CAMK2A: variants seen among roughly 807,000 people sequenced by gnomAD.
The protein encoded by CAMK2A is calcium/calmodulin-dependent protein kinase type II subunit alpha.
A neutral mutation model predicts 79.2 loss-of-function variants in CAMK2A; 7 were observed. The ratio of observed to expected loss-of-function variants is 0.09; its 90% confidence interval spans 0.05 to 0.17. The LOEUF (loss-of-function observed/expected upper bound fraction) is 0.17, where lower values mean the gene tolerates loss of function less well. Among genes scored for constraint, CAMK2A ranks in the 10% least tolerant of loss-of-function variants. CAMK2A has a pLI of 1.00. For missense variants in CAMK2A, 214 were observed against 646.4 expected (o/e 0.33, Z 7.25); for synonymous variants, 242 against 251.7 (o/e 0.96, Z 0.36).
At chr5:150,232,352 C>T (rs1183346088) in intron 15 of CAMK2A, among the ~76,000 whole-genome samples, 2 of 152,226 alleles carry the variant, frequency 1.3e-5, no homozygotes, top group African/African-American at 2.4e-5. Flanking sequence ...ATAGTGGGTG[C>T]ACCTCATAAG....
intron 1 of CAMK2A, among the ~76,000 whole-genome samples, chr5:150,286,657 G>A (rs567926530): frequency 6.6e-6 from 1 of 152,356 alleles, no homozygotes; most frequent in East Asian, 1.9e-4. Flanking sequence ...TGACTGCAGT[G>A]TCCCAGCTGG....
intron 3 of CAMK2A, 101 bp downstream of exon 3, chr5:150,264,855 G>C (rs1756442431): frequency 2.4e-6 from 2 of 841,836 alleles, no homozygotes; most frequent in Admixed American, 1.8e-5. Flanking sequence ...CCAGAGAAGA[G>C]AGCAGCTGCT....
At chr5:150,228,169 C>T (rs1311493526) in intron 17 of CAMK2A, 23 bp downstream of exon 17, 3 of 1,590,388 alleles carry the variant, frequency 1.9e-6, no homozygotes, top group South Asian at 2.2e-5. Flanking sequence ...CAACAGGCAC[C>T]ACAGAGAGAA....
At chr5:150,241,768 C>G (rs1347877781) in intron 13 of CAMK2A, among the ~76,000 whole-genome samples, 1 of 149,494 alleles carries the variant, frequency 6.7e-6, no homozygotes, top group East Asian at 2.0e-4. Context: ...TTCCTCTCTT[C>G]TCCTTTCCTC....
At chr5:150,250,918 A>T in intron 9 of CAMK2A, 108 bp from the exon 10 acceptor site, 1 of 1,279,986 alleles carries the variant, frequency 7.8e-7, no homozygotes. Flanking sequence ...CTGCCCATCC[A>T]CTCGGACATC....
At position 150,283,443 on chromosome 5, in the gene CAMK2A, T is replaced by C. The variant is rs192757483; in HGVS notation, c.62+6121A>G. Among the ~76,000 whole-genome samples the C allele has an allele frequency of 4.7e-3, 715 of 152,246 alleles. 11 individuals are homozygous for C. Among genetic ancestry groups the C allele is most frequent in the African/African-American group, 0.016 (670 of 41,538 alleles). ...AGGCTGGAGTGCAGTGGCATGATCA[T>C]AGCTCATTGCATCCTCAGACTCCGG... On this transcript the variant is annotated intron_variant, in intron 1 of 18. Transcript: ENST00000671881.
chr5:150,247,633 T>A, intron 12 of CAMK2A, 139 bp downstream of exon 12: 1 of 660,444 alleles, frequency 1.5e-6, no homozygotes, highest in South Asian at 2.0e-5. Context: ...GCAGGTGAGC[T>A]AAGCCCTTAG....
Position 150,253,365 on chromosome 5 carries a change from G to A in CAMK2A, c.514+79C>T, listed in dbSNP as rs1034528045. 1.2e-5 allele frequency: 14 copies of A among 1,153,646 alleles called. No homozygotes were observed. In the African/African-American group the frequency reaches 1.5e-4, roughly 12 times the overall value. The allele number at this position is 1,153,646 out of a possible 1,614,324, so 71.5% of individuals were successfully genotyped here. ...AGCATCTCCAGCCATACCCACTCAG[G>A]CAGGGGGTTCCCAGAGGCTTATGTG... On this transcript the variant is annotated intron_variant, in intron 7 of 18. Coordinates refer to ENST00000671881, the MANE Select transcript of CAMK2A (RefSeq NM_015981.4).
chr5:150,264,792 G>A (rs1490530881), intron 3 of CAMK2A, among the ~76,000 whole-genome samples, 164 bp downstream of exon 3: 1 of 152,160 alleles, frequency 6.6e-6, no homozygotes, highest in Non-Finnish European at 1.5e-5. Context: ...TGGCTCTGAG[G>A]AATGTGGAAA....
At chr5:150,289,145 G>A (rs987319987) in intron 1 of CAMK2A, among the ~76,000 whole-genome samples, 1 of 152,196 alleles carries the variant, frequency 6.6e-6, no homozygotes, top group African/African-American at 2.4e-5. Context: ...GTCACTGGAG[G>A]TATCTAAGTG....
At chr5:150,231,918 T>C (rs1754860742) in intron 15 of CAMK2A, among the ~76,000 whole-genome samples, 1 of 152,220 alleles carries the variant, frequency 6.6e-6, no homozygotes, top group Non-Finnish European at 1.5e-5. Context: ...CTTCTTGCTC[T>C]ATTTGGGTGC....
intron 15 of CAMK2A, among the ~76,000 whole-genome samples, chr5:150,231,709 T>A (rs1215599775): frequency 6.6e-6 from 1 of 152,020 alleles, no homozygotes; most frequent in African/African-American, 2.4e-5. Context: ...TGGTGGACAT[T>A]CTGAATCTAC....
Position 150,223,195 on chromosome 5 carries a change from G to A in CAMK2A, c.1260C>T (p.Pro420=), listed in dbSNP as rs373786921. The stretch of plus-strand genomic sequence containing the variant: ...GGGGATTCAGGATGGTGGTGTGCAC[G>A]GGCTTGCTGTTCCGGGACCACACTG... ...FENLWSRNSK[P]VHTTILNPHI... The change falls in exon 18 of 19, where the codon CCC becomes CCT. Residue 420 remains proline (P), a synonymous_variant. Transcript: ENST00000671881. The surrounding 1 kb of genome is among the most constrained non-coding windows in gnomAD (Gnocchi z 4.1). 60 of 1,613,722 alleles carry A rather than the reference G, an allele frequency of 3.7e-5. No homozygotes were observed. Among genetic ancestry groups the A allele is most frequent in the African/African-American group, 1.5e-4 (11 of 75,054 alleles).
At chr5:150,224,654 A>G (rs1399084178) in intron 17 of CAMK2A, among the ~76,000 whole-genome samples, 1 of 152,112 alleles carries the variant, frequency 6.6e-6, no homozygotes, top group Non-Finnish European at 1.5e-5. Flanking sequence ...TTTCAGCGTC[A>G]TAGACTTGGG....
chr5:150,226,103 T>G (rs1467872964), intron 17 of CAMK2A, among the ~76,000 whole-genome samples: 1 of 152,244 alleles, frequency 6.6e-6, no homozygotes, highest in Admixed American at 6.5e-5. Context: ...TAAAGGAAGA[T>G]GTTGTTTTCT....
rs557617370 is a variant in CAMK2A at position 150,223,159 on chromosome 5, C to T, written c.1296G>A (p.Leu432=). The change falls in exon 18 of 19, where the codon CTG becomes CTA. Residue 432 remains leucine, a synonymous_variant. Transcript: ENST00000671881. This position sits in a 1 kb window ranked among gnomAD's most constrained non-coding sequence, Gnocchi z 4.1. ...HTTILNPHIH[L]MGDESACIAY... ...CGATGCAGGCTGACTCGTCGCCCATCAGGTGGATGTGGGGATTCAGGATGG... is the reference window on the plus strand; with the variant it reads ...CGATGCAGGCTGACTCGTCGCCCATTAGGTGGATGTGGGGATTCAGGATGG... 5.9e-5 allele frequency: 95 copies of T among 1,614,026 alleles called. No individual in the cohort carries two copies. The Middle Eastern group carries it at 9.9e-4, about 17-fold the overall frequency.
chr5:150,269,787 C>A (rs1194908620), intron 2 of CAMK2A, among the ~76,000 whole-genome samples: 2 of 152,188 alleles, frequency 1.3e-5, no homozygotes, highest in Admixed American at 6.5e-5. Context: ...ACAGCCTGAT[C>A]CTGGGAGCAA....
chr5:150,255,804 A>C (rs1180536016), intron 6 of CAMK2A, among the ~76,000 whole-genome samples: 1 of 152,232 alleles, frequency 6.6e-6, no homozygotes, highest in Non-Finnish European at 1.5e-5. Context: ...AGGGGTTAGA[A>C]GGCCAGAATT....
At chr5:150,268,434 G>A (rs549504884) in intron 2 of CAMK2A, among the ~76,000 whole-genome samples, 22 of 152,262 alleles carry the variant, frequency 1.4e-4, no homozygotes, top group Non-Finnish European at 3.1e-4. Context: ...CCGGCACAAC[G>A]TCACCTCCTT....
Sources: allele counts gnomAD v4.1 joint callset (sites outside exome capture counted in the v4.1 genomes callset), GRCh38; gene constraint gnomAD v4.1.1; non-coding constraint Gnocchi (gnomAD v3.1); transcripts MANE v1.5; gene names NCBI Gene and HGNC (gene_info 2026-07-23, HGNC 2026-07-21).